SGCG: variants seen among roughly 807,000 people sequenced by gnomAD.
The protein encoded by SGCG is sarcoglycan gamma.
Under a neutral mutation model 29.3 loss-of-function variants are expected in SGCG, and 26 were observed. The observed-to-expected ratio is 0.89, with a 90% CI of 0.65 to 1.23. SGCG has a LOEUF of 1.23. SGCG is among the 50% of genes most tolerant of loss of function. The pLI is 0.00. For synonymous variants in SGCG, 145 were observed against 129.7 expected, an observed-to-expected ratio of 1.12 and a Z score of -0.80; for missense variants, 353 against 356.0, an observed-to-expected ratio of 0.99 and a Z score of 0.07.
intron 1 of SGCG, among the ~76,000 whole-genome samples, chr13:23,193,469 C>G (rs1350753685): frequency 6.6e-6 from 1 of 152,130 alleles, no homozygotes; most frequent in Non-Finnish European, 1.5e-5. Context: ...CCAGGATGAG[C>G]ACAGCTGTCC....
chr13:23,195,692 GTA>G (rs1396621185), intron 1 of SGCG, among the ~76,000 whole-genome samples: 1 of 151,780 alleles, frequency 6.6e-6, no homozygotes, highest in Non-Finnish European at 1.5e-5. Context: ...GTGTGTGTGT[GTA>G]TAATAAGGGT....
chr13:23,211,981 A>T (rs888946023), intron 2 of SGCG, among the ~76,000 whole-genome samples: 6 of 152,238 alleles, frequency 3.9e-5, no homozygotes, highest in Middle Eastern at 3.4e-3. Context: ...GCTTGGCACC[A>T]TCCCCTTGGT....
At chr13:23,324,248 G>T in intron 7 of SGCG, 120 bp from the exon 8 acceptor site, 1 of 840,410 alleles carries the variant, frequency 1.2e-6, no homozygotes, top group Non-Finnish European at 2.0e-6. Flanking sequence ...ATAAAGTCAG[G>T]TGCCTATTTT....
At chr13:23,320,454 A>T (rs1025338994) in intron 6 of SGCG, among the ~76,000 whole-genome samples, 183 bp from the exon 7 acceptor site, 1 of 152,194 alleles carries the variant, frequency 6.6e-6, no homozygotes, top group Admixed American at 6.5e-5. Flanking sequence ...CAAAGTTTAT[A>T]TCTTACTTCA....
chr13:23,207,391 T>C (rs1010703967), intron 2 of SGCG, among the ~76,000 whole-genome samples: 1 of 152,186 alleles, frequency 6.6e-6, no homozygotes, highest in Non-Finnish European at 1.5e-5. Context: ...GGGGAAAAGC[T>C]TCATGACATG....
At chr13:23,250,882 G>A (rs763590599) in intron 4 of SGCG, among the ~76,000 whole-genome samples, 165 bp downstream of exon 4, 1 of 152,228 alleles carries the variant, frequency 6.6e-6, no homozygotes, top group Non-Finnish European at 1.5e-5. Context: ...ACAGAGTGGG[G>A]TGGGGGGTGA....
upstream of SGCG, among the ~76,000 whole-genome samples, chr13:23,176,193 T>C (rs1876549971): frequency 6.6e-6 from 1 of 152,154 alleles, no homozygotes; most frequent in South Asian, 2.1e-4. Context: ...CTATGATAGC[T>C]CAAGTTTTTT....
chr13:23,213,559 A>C, intron 2 of SGCG, among the ~76,000 whole-genome samples: 2 of 152,326 alleles, frequency 1.3e-5, no homozygotes, highest in Middle Eastern at 6.8e-3. Context: ...ACTGAACTTA[A>C]AGAGATCAAA....
intron 5 of SGCG, among the ~76,000 whole-genome samples, chr13:23,290,031 G>A (rs1881639572): frequency 6.6e-6 from 1 of 152,182 alleles, no homozygotes. Context: ...TCCAGTTTAA[G>A]ATCTGACAGC....
chr13:23,207,002 A>G (rs1256716138), intron 2 of SGCG, among the ~76,000 whole-genome samples: 5 of 152,124 alleles, frequency 3.3e-5, no homozygotes, highest in African/African-American at 9.7e-5. Flanking sequence ...AAGACCTGAA[A>G]CAGCCAAATC....
intron 6 of SGCG, among the ~76,000 whole-genome samples, chr13:23,315,907 G>C (rs1162892690): frequency 6.6e-6 from 1 of 152,192 alleles, no homozygotes; most frequent in Non-Finnish European, 1.5e-5. Flanking sequence ...GGTGACCTCA[G>C]CAGAGAAGGA....
intron 2 of SGCG, among the ~76,000 whole-genome samples, chr13:23,227,410 G>T (rs1421017168): frequency 2.0e-5 from 3 of 151,754 alleles, no homozygotes; most frequent in African/African-American, 7.3e-5. Context: ...AATGCAAAAT[G>T]GTGTGGCCTC....
intron 1 of SGCG, among the ~76,000 whole-genome samples, chr13:23,187,689 C>T (rs1877046970): frequency 6.6e-6 from 1 of 152,190 alleles, no homozygotes; most frequent in Non-Finnish European, 1.5e-5. Context: ...CTCTGCCTGC[C>T]TCATCCCTGG....
chr13:23,161,869 A>C, the SGCG span, among the ~76,000 whole-genome samples: 4 of 152,342 alleles, frequency 2.6e-5, no homozygotes, highest in East Asian at 7.7e-4. Context: ...CAGACACAAT[A>C]TTTAGTGGAT....
intron 3 of SGCG, among the ~76,000 whole-genome samples, chr13:23,239,259 G>GA (rs1384518178): frequency 6.6e-6 from 1 of 151,770 alleles, no homozygotes. Context: ...ACAAAGGAGT[G>GA]AAAAAAATAT....
At position 23,276,431 on chromosome 13, in the gene SGCG, C is replaced by CTTTTTTTTTTTTTT. The variant is rs71100165; in HGVS notation, c.386-2922_386-2909dup. Among the ~76,000 whole-genome samples, 34 of 102,336 alleles carry CTTTTTTTTTTTTTT rather than the reference C, an allele frequency of 3.3e-4. 1 individual carries two copies. Among genetic ancestry groups the CTTTTTTTTTTTTTT allele is most frequent in the Non-Finnish European group, 3.9e-4 (21 of 53,452 alleles). The allele number at this position is 102,336 out of a possible 152,430, so 67.1% of individuals were successfully genotyped here. On this transcript the variant is annotated intron_variant, in intron 4 of 7. Transcript: ENST00000218867. Reference sequence around the variant, plus strand: ...CATGAACGCTTTCTTTTTTAGTTTTCTTTTTTTTTTTTTTTTTTTGAGACA... The same window carrying CTTTTTTTTTTTTTT: ...CATGAACGCTTTCTTTTTTAGTTTTCTTTTTTTTTTTTTTTTTTTTTTTTTTTTTTTTTGAGACA...
chr13:23,282,299 G>A (rs1384702263), intron 5 of SGCG, among the ~76,000 whole-genome samples: 2 of 152,214 alleles, frequency 1.3e-5, no homozygotes, highest in Admixed American at 6.5e-5. Context: ...ACATTGTGTA[G>A]TGCAGGCTTT....
At chr13:23,293,410 G>A (rs924301828) in intron 5 of SGCG, among the ~76,000 whole-genome samples, 2 of 152,024 alleles carry the variant, frequency 1.3e-5, no homozygotes, top group Admixed American at 1.3e-4. Flanking sequence ...CTTGGATAAG[G>A]GCTTTTTTCC....
chr13:23,297,595 C>T (rs12865413), intron 6 of SGCG, among the ~76,000 whole-genome samples: 56,412 of 151,946 alleles, frequency 0.37, 11,044 homozygotes, highest in East Asian at 0.79. Flanking sequence ...GGTTTAAGAA[C>T]GCCTTTAAGC....
Sources: gnomAD v4.1 joint callset for allele counts (sites outside exome capture counted in the v4.1 genomes callset) on GRCh38, gnomAD v4.1.1 for gene constraint, MANE v1.5 for transcripts, NCBI Gene and HGNC (gene_info 2026-07-23, HGNC 2026-07-21) for gene names.